Variants in STAU2 observed in about 807,000 individuals in gnomAD.
STAU2 encodes staufen double-stranded RNA binding protein 2, also known as double-stranded RNA-binding protein Staufen homolog 2.
In STAU2, 20 loss-of-function variants were observed where a neutral mutation model predicts 65.9. That is an observed-to-expected ratio of 0.30 (90% CI 0.21 to 0.44). STAU2 has a LOEUF of 0.44. Among genes scored for constraint, STAU2 ranks in the 20% least tolerant of loss-of-function variants. The pLI, the probability that STAU2 is intolerant of heterozygous loss-of-function variation, is 1.00. For missense variants in STAU2, 558 were observed against 683.9 expected (o/e 0.82, Z 2.05); for synonymous variants, 232 against 233.9 (o/e 0.99, Z 0.07).
At chr8:73,439,042 G>A (rs1360656439) in intron 13 of STAU2, 2 of 456,722 alleles carry the variant, frequency 4.4e-6, no homozygotes, top group Admixed American at 2.3e-5. Flanking sequence ...ATCCTACCAT[G>A]GGAATTAACT....
intron 6 of STAU2, among the ~76,000 whole-genome samples, chr8:73,636,475 T>C (rs914187586): frequency 6.6e-6 from 1 of 151,976 alleles, no homozygotes; most frequent in Non-Finnish European, 1.5e-5. Flanking sequence ...CAATCCAAAA[T>C]TATTCAACAT....
intron 12 of STAU2, among the ~76,000 whole-genome samples, chr8:73,552,632 C>T (rs1329137048): frequency 6.6e-6 from 1 of 152,058 alleles, no homozygotes; most frequent in Non-Finnish European, 1.5e-5. Context: ...GGCAGAAAAT[C>T]AGGAATGTGC....
intron 7 of STAU2, 156 bp from the exon 8 acceptor site, chr8:73,615,938 G>C: frequency 1.9e-6 from 1 of 525,150 alleles, no homozygotes; most frequent in Non-Finnish European, 3.3e-6. Flanking sequence ...GCGGTCAAGG[G>C]CTTTGCTGCC....
chr8:73,715,297 A>C (rs1821174007), intron 3 of STAU2, among the ~76,000 whole-genome samples: 1 of 151,810 alleles, frequency 6.6e-6, no homozygotes, highest in Admixed American at 6.6e-5. Flanking sequence ...CTCTATTAAA[A>C]ATACAAAAAT....
intron 13 of STAU2, among the ~76,000 whole-genome samples, chr8:73,504,743 T>G (rs1821965057): frequency 6.6e-6 from 1 of 152,078 alleles, no homozygotes; most frequent in Non-Finnish European, 1.5e-5. Flanking sequence ...TTTTTCCTAG[T>G]GAGGATTTTA....
rs1586057369 is a variant in STAU2 at position 73,583,261 on chromosome 8, TCAGCC to T, written c.1162-436_1162-432del. Among the ~76,000 whole-genome samples, 3 of 151,964 alleles carry T rather than the reference TCAGCC, an allele frequency of 2.0e-5. No individual in the cohort carries two copies. The East Asian group carries it at 5.8e-4, about 29-fold the overall frequency. On this transcript the variant is annotated intron_variant, in intron 11 of 14. Coordinates refer to ENST00000524300, the MANE Select transcript of STAU2 (RefSeq NM_001164380.2). ...TCCTAGATTCAAGGATTCTCCTGCCTCAGCCTCCCGAGTAGCTGGGATTAGAAGTG... is the reference window on the plus strand; with the variant it reads ...TCCTAGATTCAAGGATTCTCCTGCCTTCCCGAGTAGCTGGGATTAGAAGTG...
intron 13 of STAU2, among the ~76,000 whole-genome samples, chr8:73,423,290 C>A (rs149638424): frequency 3.3e-5 from 5 of 152,108 alleles, no homozygotes; most frequent in Non-Finnish European, 5.9e-5. Flanking sequence ...CAGAGCCTCC[C>A]GAGGTGTTGA....
intron 13 of STAU2, among the ~76,000 whole-genome samples, chr8:73,537,919 A>G (rs4413768): frequency 0.88 from 133,951 of 152,238 alleles, 59,161 homozygotes; most frequent in East Asian, 0.92. Flanking sequence ...GAAGAGCACT[A>G]AGATGGGCAC....
intron 6 of STAU2, among the ~76,000 whole-genome samples, chr8:73,638,139 A>G (rs1363500362): frequency 6.6e-6 from 1 of 152,050 alleles, no homozygotes; most frequent in Non-Finnish European, 1.5e-5. Context: ...GCAGGGGCAA[A>G]ATTGGGTAAC....
At chr8:73,544,589 C>T (rs558444978) in intron 13 of STAU2, among the ~76,000 whole-genome samples, 1 of 152,294 alleles carries the variant, frequency 6.6e-6, no homozygotes, top group South Asian at 2.1e-4. Context: ...TCTTATCCAC[C>T]TTAAAATCTG....
intron 13 of STAU2, among the ~76,000 whole-genome samples, chr8:73,526,379 G>A (rs1449379674): frequency 6.6e-6 from 1 of 152,156 alleles, no homozygotes. Context: ...ATAATGATTG[G>A]AAACAAACAA....
At chr8:73,546,805 T>C (rs1806969069) in intron 13 of STAU2, among the ~76,000 whole-genome samples, 1 of 152,302 alleles carries the variant, frequency 6.6e-6, no homozygotes, top group South Asian at 2.1e-4. Context: ...TGACTTGGAA[T>C]GAGTGTAGGT....
At chr8:73,653,762 C>T in intron 6 of STAU2, 1 of 245,890 alleles carries the variant, frequency 4.1e-6, no homozygotes, top group South Asian at 4.4e-5. Flanking sequence ...TTAGGAACCA[C>T]TTAGGTAAAC....
At position 73,422,883 on chromosome 8, in the gene STAU2, G is replaced by A. The variant is rs537775584; in HGVS notation, c.1531-181C>T. The stretch of plus-strand genomic sequence containing the variant: ...CAGGCAGCAGTGTATATACATAACC[G>A]GAACTAGAAGGGCTTTAAGTCTCCT... On this transcript the variant is annotated intron_variant, in intron 13 of 14. Coordinates refer to ENST00000524300, the MANE Select transcript of STAU2 (RefSeq NM_001164380.2). 2.2e-4 allele frequency among the ~76,000 whole-genome samples: 33 copies of A among 152,218 alleles called. 1 individual carries two copies. The South Asian group carries it at 6.0e-3, about 28-fold the overall frequency.
chr8:73,551,242 G>GT (rs1563416089), intron 13 of STAU2: 12 of 987,486 alleles, frequency 1.2e-5, no homozygotes, highest in Non-Finnish European at 1.3e-5. Context: ...TTTTTGTGGG[G>GT]TTTTTTCCCA....
At position 73,421,178 on chromosome 8, in the gene STAU2, G is replaced by A. The variant is rs1369382938; in HGVS notation, c.*194C>T. On this transcript the variant is annotated 3_prime_UTR_variant, in exon 15 of 15. Transcript: ENST00000524300. ...TATGATCTGATCTCGAGTTCCAAGG[G>A]AAATGCTCAAAGTTTTATTTTTCCC... is the stretch of plus-strand genomic sequence containing the variant. 1 of 535,648 alleles carries A rather than the reference G, an allele frequency of 1.9e-6. No homozygotes were observed. Among genetic ancestry groups the A allele is most frequent in the African/African-American group, 1.9e-5 (1 of 52,032 alleles). 33.2% of individuals were successfully genotyped at this position (535,648 alleles called of 1,614,324 possible).
intron 13 of STAU2, among the ~76,000 whole-genome samples, chr8:73,458,472 A>C (rs1306430119): frequency 6.6e-6 from 1 of 152,254 alleles, no homozygotes; most frequent in Non-Finnish European, 1.5e-5. Flanking sequence ...AGTTTCAGTA[A>C]CAGTTGCCAG....
At chr8:73,724,996 T>C (rs1435664146) in intron 3 of STAU2, among the ~76,000 whole-genome samples, 1 of 152,192 alleles carries the variant, frequency 6.6e-6, no homozygotes, top group African/African-American at 2.4e-5. Context: ...TAATTATGTG[T>C]ATGAAATACA....
At chr8:73,701,959 T>C (rs1473984287) in intron 4 of STAU2, among the ~76,000 whole-genome samples, 1 of 152,162 alleles carries the variant, frequency 6.6e-6, no homozygotes, top group Admixed American at 6.6e-5. Flanking sequence ...CTATGTTAAG[T>C]GAAATAAGCC....
Sources: allele counts gnomAD v4.1 joint callset (sites outside exome capture counted in the v4.1 genomes callset), GRCh38; gene constraint gnomAD v4.1.1; transcripts MANE v1.5; gene names NCBI Gene and HGNC (gene_info 2026-07-23, HGNC 2026-07-21).